Variants in LYRM4 observed in about 807,000 individuals in gnomAD.
The protein encoded by LYRM4 is LYR motif-containing protein 4.
In LYRM4, 9 loss-of-function variants were observed where a neutral mutation model predicts 11.7. The ratio of observed to expected loss-of-function variants is 0.77; its 90% confidence interval spans 0.46 to 1.34. The LOEUF is 1.34. Ranked by LOEUF, LYRM4 falls within the 40% of genes most tolerant of loss-of-function variation. The pLI, the probability that LYRM4 is intolerant of heterozygous loss-of-function variation, is 0.00. For synonymous variants in LYRM4, 42 were observed against 40.4 expected (o/e 1.04, Z -0.15); for missense variants, 133 against 112.5 (o/e 1.18, Z -0.82).
At chr6:5,141,044 T>C (rs142070630) in intron 2 of LYRM4, among the ~76,000 whole-genome samples, 274 of 152,368 alleles carry the variant, frequency 1.8e-3, no homozygotes, top group African/African-American at 6.1e-3. Context: ...ATAATTATTC[T>C]GGATGTTCAG....
chr6:5,154,721 A>G (rs1758296127), intron 2 of LYRM4, among the ~76,000 whole-genome samples: 1 of 152,184 alleles, frequency 6.6e-6, no homozygotes, highest in Admixed American at 6.5e-5. Flanking sequence ...CGGGAGGCTG[A>G]GGCAGGAGAA....
chr6:5,160,351 C>T (rs557004199), intron 2 of LYRM4, among the ~76,000 whole-genome samples: 6 of 152,088 alleles, frequency 3.9e-5, no homozygotes, highest in Admixed American at 3.9e-4. Flanking sequence ...GGGTCTCAAC[C>T]CAAGAGATAT....
chr6:5,043,834 C>T, the LYRM4 span, among the ~76,000 whole-genome samples: 62 of 152,280 alleles, frequency 4.1e-4, no homozygotes, highest in African/African-American at 1.4e-3. Flanking sequence ...AAGTCAGGTA[C>T]CAGACAATTA....
intron 2 of LYRM4, among the ~76,000 whole-genome samples, chr6:5,126,648 C>T (rs1763711039): frequency 6.6e-6 from 1 of 152,018 alleles, no homozygotes; most frequent in Non-Finnish European, 1.5e-5. Flanking sequence ...ATTATTTAGC[C>T]TCAAAAAGGA....
chr6:5,160,897 G>A (rs1019020282), intron 2 of LYRM4, among the ~76,000 whole-genome samples: 6 of 152,104 alleles, frequency 3.9e-5, no homozygotes, highest in Admixed American at 1.3e-4. Context: ...GGGAGCAAAC[G>A]ATTTAGACCA....
At chr6:5,173,239 A>G (rs1329998283) in intron 2 of LYRM4, among the ~76,000 whole-genome samples, 1 of 152,222 alleles carries the variant, frequency 6.6e-6, no homozygotes, top group Non-Finnish European at 1.5e-5. Flanking sequence ...CCTCTGTGCC[A>G]TTACATGTTT....
At chr6:5,169,721 C>T (rs1026407245) in intron 2 of LYRM4, among the ~76,000 whole-genome samples, 45 of 152,152 alleles carry the variant, frequency 3.0e-4, no homozygotes, top group African/African-American at 9.4e-4. Flanking sequence ...TACAATTACA[C>T]GCTGACTTAT....
At chr6:5,112,391 A>G (rs1246030813) in intron 2 of LYRM4, among the ~76,000 whole-genome samples, 1 of 152,210 alleles carries the variant, frequency 6.6e-6, no homozygotes, top group Non-Finnish European at 1.5e-5. Flanking sequence ...AAGGAATCTG[A>G]GCCCAATGCA....
chr6:5,221,157 C>T (rs888411704), intron 1 of LYRM4, among the ~76,000 whole-genome samples: 5 of 152,102 alleles, frequency 3.3e-5, no homozygotes, highest in African/African-American at 1.2e-4. Context: ...CCTTTGTGGG[C>T]TCATCTCATT....
At chr6:5,172,063 G>A (rs1174759687) in intron 2 of LYRM4, among the ~76,000 whole-genome samples, 1 of 151,994 alleles carries the variant, frequency 6.6e-6, no homozygotes, top group African/African-American at 2.4e-5. Context: ...AAGCTCTCCT[G>A]GCTACAGAAT....
intron 2 of LYRM4, among the ~76,000 whole-genome samples, chr6:5,203,463 A>C (rs988405593): frequency 3.3e-5 from 5 of 152,164 alleles, no homozygotes; most frequent in Admixed American, 6.5e-5. Flanking sequence ...TTTACTTCCA[A>C]ACACCACCTT....
chr6:5,174,056 A>T (rs971644107), intron 2 of LYRM4, among the ~76,000 whole-genome samples: 33 of 152,310 alleles, frequency 2.2e-4, no homozygotes, highest in African/African-American at 7.7e-4. Flanking sequence ...GAGAACTGCA[A>T]CCCAGTGTGC....
At chr6:5,135,650 C>G (rs1045331294) in intron 2 of LYRM4, among the ~76,000 whole-genome samples, 1 of 152,096 alleles carries the variant, frequency 6.6e-6, no homozygotes, top group African/African-American at 2.4e-5. Context: ...CCTCCAAAGA[C>G]GAGAACTTTC....
chr6:5,100,254 G>GA (rs1762458399), downstream of LYRM4, among the ~76,000 whole-genome samples: 1 of 152,210 alleles, frequency 6.6e-6, no homozygotes, highest in Admixed American at 6.5e-5. Context: ...ATGGATGCTG[G>GA]GTTCTTGCCT....
chr6:5,089,465 C>T, the LYRM4 span: 1 of 151,976 alleles, frequency 6.6e-6, no homozygotes, highest in Non-Finnish European at 1.5e-5. Context: ...AAATGAGGAG[C>T]CCAATATAAT....
At chr6:5,058,404 G>A in the LYRM4 span, among the ~76,000 whole-genome samples, 3 of 152,130 alleles carry the variant, frequency 2.0e-5, no homozygotes, top group South Asian at 2.1e-4. Flanking sequence ...TCTAAGGTCC[G>A]GGGCTTAACA....
At chr6:5,184,669 A>G (rs1017622962) in intron 2 of LYRM4, among the ~76,000 whole-genome samples, 4 of 152,250 alleles carry the variant, frequency 2.6e-5, no homozygotes, top group African/African-American at 9.6e-5. Context: ...AAGAACAAGT[A>G]GACCCTTTTG....
the LYRM4 span, among the ~76,000 whole-genome samples, chr6:5,094,420 G>A: frequency 1.3e-5 from 2 of 152,220 alleles, no homozygotes; most frequent in Non-Finnish European, 2.9e-5. Context: ...GGACTTTGAG[G>A]CTGCAGTGAA....
In LYRM4 at chr6:5,188,180, T is replaced by C. The variant is rs374636410; in HGVS notation, c.207+28438A>G. 1.3e-3 allele frequency among the ~76,000 whole-genome samples: 196 copies of C among 152,204 alleles called. 2 individuals are homozygous for C. The South Asian group carries it at 0.039, about 30-fold the overall frequency. Reference sequence around the variant, plus strand: ...GCCTGCGAAACATGATGAAACCCCATGTCTACCAAAAACAAACAAATGAAC... The same window carrying C: ...GCCTGCGAAACATGATGAAACCCCACGTCTACCAAAAACAAACAAATGAAC... On this transcript the variant is annotated intron_variant, in intron 2 of 2. Transcript: ENST00000330636.
Sources: gnomAD v4.1 joint callset for allele counts (sites outside exome capture counted in the v4.1 genomes callset) on GRCh38, gnomAD v4.1.1 for gene constraint, MANE v1.5 for transcripts, NCBI Gene and HGNC (gene_info 2026-07-23, HGNC 2026-07-21) for gene names.